The following TRIM37 variants were observed in gnomAD, a reference collection of about 807,000 sequenced individuals.
TRIM37 encodes E3 ubiquitin-protein ligase TRIM37.
A neutral mutation model predicts 129.8 loss-of-function variants in TRIM37; 80 were observed. That is an observed-to-expected ratio of 0.62 (90% confidence interval 0.51 to 0.74). The LOEUF (loss-of-function observed/expected upper bound fraction) is 0.74. Among genes scored for constraint, TRIM37 ranks in the 30% least tolerant of loss-of-function variants. TRIM37 has a pLI of 0.00. For synonymous variants in TRIM37, 389 were observed against 387.1 expected (o/e 1.00, Z -0.06); for missense variants, 1,054 against 1,176.5 (o/e 0.90, Z 1.52).
downstream of TRIM37, among the ~76,000 whole-genome samples, chr17:58,995,961 G>A (rs192302626): frequency 5.8e-4 from 88 of 151,864 alleles, no homozygotes; most frequent in African/African-American, 1.1e-3. Flanking sequence ...AGCCAACATC[G>A]CACCACTACA....
intron 13 of TRIM37, among the ~76,000 whole-genome samples, chr17:59,052,797 G>C (rs1568104151): frequency 6.6e-6 from 1 of 151,830 alleles, no homozygotes. Context: ...TCTACTAAAA[G>C]TACAAAAATT....
At chr17:59,098,803 C>G (rs1219944612) in intron 2 of TRIM37, among the ~76,000 whole-genome samples, 1 of 151,708 alleles carries the variant, frequency 6.6e-6, no homozygotes, top group Non-Finnish European at 1.5e-5. Flanking sequence ...AGCAGGAACT[C>G]AAACAGATAA....
chr17:58,996,734 A>G (rs1598780857), downstream of TRIM37, among the ~76,000 whole-genome samples: 1 of 150,902 alleles, frequency 6.6e-6, no homozygotes, highest in African/African-American at 2.4e-5. Context: ...GTGCCACTGC[A>G]TTCTAGCCTG....
At chr17:59,071,675 A>C (rs1358492534) in intron 8 of TRIM37, among the ~76,000 whole-genome samples, 1 of 152,200 alleles carries the variant, frequency 6.6e-6, no homozygotes, top group Non-Finnish European at 1.5e-5. Flanking sequence ...GTACACACAC[A>C]CACACGCACT....
Position 59,071,703 on chromosome 17 carries a change from G to A in TRIM37, c.685-756C>T, listed in dbSNP as rs538019667. Among the ~76,000 whole-genome samples the A allele has an allele frequency of 2.0e-5, 3 of 152,190 alleles. No individual in the cohort carries two copies. In the South Asian group the frequency reaches 6.2e-4, roughly 32 times the overall value. On this transcript the variant is annotated intron_variant, in intron 8 of 23. Transcript: ENST00000262294. Reference sequence around the variant, plus strand: ...CACGCACTATCTGATACTAATTTGGGAAACACTATTTTGGGAAAAAGTAAC... The same window carrying A: ...CACGCACTATCTGATACTAATTTGGAAAACACTATTTTGGGAAAAAGTAAC...
chr17:59,088,348 T>C lies in TRIM37; in HGVS notation c.224A>G (p.Gln75Arg). Residue 75 changes from glutamine (Q) to arginine (R), a missense_variant, in exon 4 of 24, where the codon CAG (glutamine) becomes CGG (arginine). By Grantham distance (43) the Gln-to-Arg change is conservative. Around this residue, in one of 3 missense-constraint regions of TRIM37, gnomAD observed 752 missense variants for 870.8 expected, o/e 0.86. Transcript: ENST00000262294. ...NCRWAEEVTQQLDTLQLCSLT... is the reference protein window; with the variant it reads ...NCRWAEEVTQRLDTLQLCSLT... ...ACTGCAGAGTTGAAGAGTATCAAGC[T>C]GTTGTGTTACTTCTTCTGCCCAACG... is the stretch of plus-strand genomic sequence containing the variant. 2 of 1,613,952 alleles carry C rather than the reference T, an allele frequency of 1.2e-6. No individual in the cohort carries two copies. Among genetic ancestry groups the C allele is most frequent in the East Asian group, 2.2e-5 (1 of 44,864 alleles).
intron 22 of TRIM37, among the ~76,000 whole-genome samples, chr17:59,003,597 TTGAA>T (rs2034067176): frequency 6.6e-6 from 1 of 151,354 alleles, no homozygotes; most frequent in Admixed American, 6.6e-5. Context: ...AAGACTGAAT[TTGAA>T]TGACAGCAAA....
intron 5 of TRIM37, among the ~76,000 whole-genome samples, chr17:59,083,611 T>C (rs1207792614): frequency 2.6e-5 from 4 of 152,150 alleles, no homozygotes; most frequent in Non-Finnish European, 2.9e-5. Context: ...TTATAAGATC[T>C]AGATAGGCGT....
intron 17 of TRIM37, among the ~76,000 whole-genome samples, chr17:59,037,450 C>T (rs1022075703): frequency 3.4e-5 from 5 of 145,608 alleles, no homozygotes; most frequent in African/African-American, 7.6e-5. Flanking sequence ...CCCAGCTATT[C>T]GGGAGGCTGA....
rs935567972 is a variant in TRIM37 at position 59,049,386 on chromosome 17, G to T, written c.1322C>A (p.Thr441Asn). The T allele has an allele frequency of 6.8e-6, 11 of 1,613,794 alleles. No individual in the cohort carries two copies. Among genetic ancestry groups the T allele is most frequent in the Non-Finnish European group, 4.2e-6 (5 of 1,179,916 alleles). The change falls in exon 15 of 24, where the codon ACT (threonine) becomes AAT (asparagine). Residue 441 changes from threonine (T) to asparagine (N), a missense_variant. Thr to Asn is a moderately conservative substitution (Grantham distance 65). Transcript: ENST00000262294. ...QQINNLKERLTIELSRTQKSR... is the reference protein window; with the variant it reads ...QQINNLKERLNIELSRTQKSR... ...CTTCTGAGTTCGAGACAGCTCAATA[G>T]TAAGTCTCTTTTAAAACAAGAAAAG... is the stretch of plus-strand genomic sequence containing the variant.
chr17:58,991,911 C>G (rs1214170471), intron 24 of TRIM37, among the ~76,000 whole-genome samples: 1 of 152,058 alleles, frequency 6.6e-6, no homozygotes. Context: ...TGACACCAAC[C>G]ACCCGGAGTT....
chr17:59,084,557 T>C (rs2043587347), intron 4 of TRIM37, among the ~76,000 whole-genome samples: 1 of 152,198 alleles, frequency 6.6e-6, no homozygotes, highest in Admixed American at 6.5e-5. Flanking sequence ...AATGAACAAC[T>C]CAATTTTAAA....
In TRIM37 at chr17:59,041,855, C is replaced by T; in HGVS notation, c.1711G>A (p.Glu571Lys). The T allele has an allele frequency of 6.2e-7, 1 of 1,613,910 alleles. No homozygotes were observed. Among genetic ancestry groups the T allele is most frequent in the Non-Finnish European group, 8.5e-7 (1 of 1,179,854 alleles). ...GCTGCATCTTCCATGAGTTCTCCCT[C>T]TTCTAATTCCATGTTGTTATATTCC... The part of the protein sequence containing the change: ...DVEYNNMELE[E>K]GELMEDAAAA... The change falls in exon 17 of 24, where the codon GAG (glutamate) becomes AAG (lysine). Residue 571 changes from glutamate to lysine, a missense_variant. By Grantham distance (56) the Glu-to-Lys change is moderately conservative. Coordinates refer to ENST00000262294, the MANE Select transcript of TRIM37 (RefSeq NM_015294.6).
At chr17:59,089,584 T>C (rs1436889867) in intron 3 of TRIM37, among the ~76,000 whole-genome samples, 1 of 152,092 alleles carries the variant, frequency 6.6e-6, no homozygotes, top group African/African-American at 2.4e-5. Flanking sequence ...GAGGTTGCAG[T>C]GAGCCAAGAT....
Position 58,999,318 on chromosome 17 carries a change from CAA to C in TRIM37, c.*57_*58del. The C allele has an allele frequency of 6.2e-7, 1 of 1,612,460 alleles. No homozygotes were observed. The highest frequency in any genetic ancestry group is 1.1e-5 in the South Asian group (1 of 90,782). On this transcript the variant is annotated 3_prime_UTR_variant, in exon 24 of 24. Transcript: ENST00000262294. ...TCTGACTGATGACAAATTTGAGCAC[CAA>C]CTACAGCAAAATTCAGGGTCAAGGT...
At chr17:59,045,260 C>T (rs1272133064) in intron 16 of TRIM37, among the ~76,000 whole-genome samples, 3 of 151,364 alleles carry the variant, frequency 2.0e-5, no homozygotes, top group East Asian at 1.9e-4. Context: ...ATCCAGAAGG[C>T]GGAGCTTGCA....
intron 2 of TRIM37, among the ~76,000 whole-genome samples, chr17:59,094,663 G>A (rs1599540451): frequency 6.6e-6 from 1 of 152,128 alleles, no homozygotes; most frequent in South Asian, 2.1e-4. Context: ...ATTACTACTG[G>A]ATGTGAGGAA....
chr17:59,036,483 T>TGTGCGC (rs929536364), intron 17 of TRIM37, among the ~76,000 whole-genome samples: 7 of 148,988 alleles, frequency 4.7e-5, no homozygotes, highest in African/African-American at 1.7e-4. Flanking sequence ...TGTGTGTGTG[T>TGTGCGC]GCACGCGTGT....
intron 2 of TRIM37, among the ~76,000 whole-genome samples, chr17:59,101,491 G>A (rs1176920263): frequency 1.3e-5 from 2 of 151,464 alleles, no homozygotes; most frequent in Non-Finnish European, 2.9e-5. Flanking sequence ...AAATATAAGT[G>A]AAACAGGGAG....
Sources: allele counts gnomAD v4.1 joint callset (sites outside exome capture counted in the v4.1 genomes callset), GRCh38; gene constraint gnomAD v4.1.1; regional missense constraint gnomAD v4.1.1; transcripts MANE v1.5; gene names NCBI Gene and HGNC (gene_info 2026-07-23, HGNC 2026-07-21).